The following IFI44L variants were observed in gnomAD, a reference collection of about 807,000 sequenced individuals.
IFI44L encodes the protein interferon-induced protein 44-like.
A neutral mutation model predicts 39.3 loss-of-function variants in IFI44L; 40 were observed. The ratio of observed to expected loss-of-function variants is 1.02; its 90% CI spans 0.79 to 1.33. The LOEUF (loss-of-function observed/expected upper bound fraction) is 1.33, where lower values mean the gene tolerates loss of function less well. IFI44L is among the 40% of genes most tolerant of loss of function. The pLI is 0.00. For synonymous variants in IFI44L, 198 were observed against 182.3 expected, an observed-to-expected ratio of 1.09 and a Z score of -0.69; for missense variants, 623 against 549.0, an observed-to-expected ratio of 1.13 and a Z score of -1.35.
At chr1:78,633,939 G>A (rs1012723308) in intron 4 of IFI44L, among the ~76,000 whole-genome samples, 3 of 151,972 alleles carry the variant, frequency 2.0e-5, no homozygotes, top group African/African-American at 7.2e-5. Flanking sequence ...GGTGAAATGA[G>A]AAATGAAATA....
chr1:78,631,341 G>A (rs1356099134), intron 4 of IFI44L: 2 of 152,102 alleles, frequency 1.3e-5, no homozygotes, highest in Non-Finnish European at 2.9e-5. Flanking sequence ...TTTCTTTCAT[G>A]TTGAGGCACT....
At chr1:78,635,697 C>T in intron 5 of IFI44L, 3 of 558,660 alleles carry the variant, frequency 5.4e-6, no homozygotes, top group Non-Finnish European at 9.4e-6. Flanking sequence ...AGCCAAAAGG[C>T]AGGATTCTAC....
intron 6 of IFI44L, among the ~76,000 whole-genome samples, chr1:78,637,688 G>T (rs1291371313): frequency 2.6e-5 from 4 of 151,782 alleles, no homozygotes; most frequent in Non-Finnish European, 5.9e-5. Context: ...TTGTCATTTC[G>T]TGAATGTTAT....
intron 2 of IFI44L, 52 bp from the exon 3 acceptor site, chr1:78,628,899 A>T (rs925487924): frequency 8.1e-7 from 1 of 1,234,532 alleles, no homozygotes. Context: ...ACTTGGCCAC[A>T]TTTAACCAAA....
chr1:78,622,811 C>G (rs1652325207), intron 1 of IFI44L, among the ~76,000 whole-genome samples: 1 of 152,172 alleles, frequency 6.6e-6, no homozygotes, highest in South Asian at 2.1e-4. Flanking sequence ...GTTCTCATAT[C>G]TACAACCATA....
In IFI44L at chr1:78,628,973, C is replaced by A; in HGVS notation, c.501C>A (p.Asp167Glu). The A allele has an allele frequency of 6.3e-7, 1 of 1,580,838 alleles. No homozygotes were observed. The highest frequency in any genetic ancestry group is 2.2e-5 in the East Asian group (1 of 44,550). ...RVEGIKDNLD[D>E]IKRIIKAREH... Reference sequence around the variant, plus strand: ...TAGGAATTAAGGATAACCTAGACGACATAAAGAGGATAATTAAAGCCAGAG... The same window carrying A: ...TAGGAATTAAGGATAACCTAGACGAAATAAAGAGGATAATTAAAGCCAGAG... Residue 167 changes from aspartate to glutamate, a missense_variant, in exon 3 of 9, where the codon GAC becomes GAA. Asp to Glu is a conservative substitution (Grantham distance 45). Transcript: ENST00000370751.
chr1:78,643,158 C>CTTTTTTTTTTTTTTTTTTTTTTTTTTTT lies in IFI44L; in HGVS notation c.*1351_*1352insTTTTTTTTTTTTTTTTTTTTTTTTTTTT, dbSNP rs1303490900. 6.6e-6 allele frequency: 1 copy of CTTTTTTTTTTTTTTTTTTTTTTTTTTTT among 151,522 alleles called. No individual in the cohort carries two copies. 9.4% of individuals were successfully genotyped at this position (151,522 alleles called of 1,614,324 possible). A position where few individuals can be genotyped will look rare whatever the true frequency, so the allele number is the denominator to read the frequency against. ...ATAGATATTAAGAAAGCAAGAGTTT[C>CTTTTTTTTTTTTTTTTTTTTTTTTTTTT]TTATGTCCAGTTATGGAATATTTCC... is the stretch of plus-strand genomic sequence containing the variant. On this transcript the variant is annotated 3_prime_UTR_variant, in exon 9 of 9. Transcript: ENST00000370751.
chr1:78,637,845 G>A (rs1653009396), intron 6 of IFI44L, among the ~76,000 whole-genome samples: 1 of 152,056 alleles, frequency 6.6e-6, no homozygotes, highest in South Asian at 2.1e-4. Flanking sequence ...ATATACCACA[G>A]TTTAACCATG....
chr1:78,634,551 A>T (rs1309269903), intron 4 of IFI44L, among the ~76,000 whole-genome samples: 2 of 152,166 alleles, frequency 1.3e-5, no homozygotes, highest in East Asian at 3.9e-4. Context: ...GAGGGAGTTC[A>T]TTACAATTAT....
chr1:78,620,788 G>A (rs904448316), intron 1 of IFI44L: 5 of 152,122 alleles, frequency 3.3e-5, no homozygotes, highest in African/African-American at 1.2e-4. Context: ...TAGTTAAACT[G>A]TTGTGCTATG....
chr1:78,628,763 A>G, intron 2 of IFI44L, 188 bp from the exon 3 acceptor site: 1 of 568,674 alleles, frequency 1.8e-6, no homozygotes, highest in Non-Finnish European at 3.2e-6. Flanking sequence ...GAGCTTCCAG[A>G]GCAAGTTAAT....
At chr1:78,624,067 G>A (rs1003300697) in intron 1 of IFI44L, among the ~76,000 whole-genome samples, 1 of 151,794 alleles carries the variant, frequency 6.6e-6, no homozygotes, top group Non-Finnish European at 1.5e-5. Flanking sequence ...GAGTGCAGTG[G>A]TGCAATCTCT....
In IFI44L at chr1:78,641,850, T is replaced by A. The variant is rs1646990708; in HGVS notation, c.*41T>A. Reference sequence around the variant, plus strand: ...TTCTGACATTTGGCCCAGCCTGTACTGGTGTGCCGCAATGAGAGTCAATCT... The same window carrying A: ...TTCTGACATTTGGCCCAGCCTGTACAGGTGTGCCGCAATGAGAGTCAATCT... On this transcript the variant is annotated 3_prime_UTR_variant, in exon 9 of 9. Transcript: ENST00000370751. 6.3e-7 allele frequency: 1 copy of A among 1,597,338 alleles called. No homozygotes were observed.
chr1:78,639,815 T>C (rs2100392938), intron 6 of IFI44L, among the ~76,000 whole-genome samples: 1 of 152,260 alleles, frequency 6.6e-6, no homozygotes, highest in African/African-American at 2.4e-5. Context: ...TTGCTTACTT[T>C]ATCAGTAGAA....
chr1:78,620,775 CTATAGT>C (rs1652245197), intron 1 of IFI44L: 1 of 152,138 alleles, frequency 6.6e-6, no homozygotes, highest in Non-Finnish European at 1.5e-5. Context: ...TTATTGTTAA[CTATAGT>C]TAAACTGTTG....
Position 78,640,307 on chromosome 1 carries a change from G to T in IFI44L, c.1049-714G>T, listed in dbSNP as rs184626240. 2.6e-5 allele frequency among the ~76,000 whole-genome samples: 4 copies of T among 152,220 alleles called. No individual in the cohort carries two copies. The East Asian group carries it at 7.7e-4, about 29-fold the overall frequency. Reference sequence around the variant, plus strand: ...TTGAAAAAAATTATAGGTGTCAACTGAGAACTGCTCTCTACCAGAACCTAG... The same window carrying T: ...TTGAAAAAAATTATAGGTGTCAACTTAGAACTGCTCTCTACCAGAACCTAG... On this transcript the variant is annotated intron_variant, in intron 6 of 8. Coordinates refer to ENST00000370751, the MANE Select transcript of IFI44L (RefSeq NM_006820.4).
intron 1 of IFI44L, among the ~76,000 whole-genome samples, chr1:78,623,017 C>T (rs1190030584): frequency 1.3e-5 from 2 of 152,092 alleles, no homozygotes; most frequent in South Asian, 2.1e-4. Context: ...AGTCTCTAAA[C>T]GTATGAGAAA....
chr1:78,637,050 A>AT lies in IFI44L; in HGVS notation c.897dup (p.Thr300TyrfsTer3). On this transcript the variant is annotated frameshift_variant, in exon 6 of 9. Coordinates refer to ENST00000370751, the MANE Select transcript of IFI44L (RefSeq NM_006820.4). LOFTEE classifies it high-confidence loss of function. ...ATAACAGTTTAATTCCCGTAAACCA[A>AT]TTACACCTGAGCATTCTACTTTTAT... The AT allele has an allele frequency of 6.2e-7, 1 of 1,611,514 alleles. No homozygotes were observed.
At position 78,628,598 on chromosome 1, in the gene IFI44L, C is replaced by A. The variant is rs953900255; in HGVS notation, c.478+205C>A. On this transcript the variant is annotated intron_variant, in intron 2 of 8. Coordinates refer to ENST00000370751, the MANE Select transcript of IFI44L (RefSeq NM_006820.4). ...AACGTATAGGCTGCTTTGAGCAAAGCAAGTTGAGAAATATATGTGCAGAGA... is the reference window on the plus strand; with the variant it reads ...AACGTATAGGCTGCTTTGAGCAAAGAAAGTTGAGAAATATATGTGCAGAGA... The A allele has an allele frequency of 9.2e-6, 5 of 540,632 alleles. No individual in the cohort carries two copies. The African/African-American group carries it at 9.6e-5, about 10-fold the overall frequency. The allele number at this position is 540,632 out of a possible 1,614,324, so 33.5% of individuals were successfully genotyped here.
Sources: allele counts gnomAD v4.1 joint callset (sites outside exome capture counted in the v4.1 genomes callset), GRCh38; gene constraint gnomAD v4.1.1; transcripts MANE v1.5; gene names NCBI Gene and HGNC (gene_info 2026-07-23, HGNC 2026-07-21).